PPP1R9A: variants seen among roughly 807,000 people sequenced by gnomAD.
PPP1R9A encodes neurabin-1.
PPP1R9A carries 59 observed loss-of-function variants against 141.9 expected under a neutral mutation model. That is an observed-to-expected ratio of 0.42 (90% CI 0.34 to 0.52). The LOEUF (loss-of-function observed/expected upper bound fraction) is 0.52, where lower values mean the gene tolerates loss of function less well. Among genes scored for constraint, PPP1R9A ranks in the 20% least tolerant of loss-of-function variants. The pLI is 0.10. For synonymous variants in PPP1R9A, 500 were observed against 569.7 expected (o/e 0.88, Z 1.74); for missense variants, 1,444 against 1,611.9 (o/e 0.90, Z 1.78).
chr7:95,196,971 GAA>G (rs1836380030), intron 5 of PPP1R9A, among the ~76,000 whole-genome samples: 1 of 151,876 alleles, frequency 6.6e-6, no homozygotes, highest in Admixed American at 6.6e-5. Flanking sequence ...ATTTCCAAAG[GAA>G]AATAACACAA....
chr7:94,968,362 C>T (rs893896826), intron 2 of PPP1R9A, among the ~76,000 whole-genome samples: 7 of 152,048 alleles, frequency 4.6e-5, no homozygotes, highest in African/African-American at 7.2e-5. Context: ...TTAGTAGAGA[C>T]GGGGTTTCAC....
At chr7:95,272,192 A>G (rs1023835010) in intron 14 of PPP1R9A, among the ~76,000 whole-genome samples, 2 of 152,194 alleles carry the variant, frequency 1.3e-5, no homozygotes, top group Non-Finnish European at 2.9e-5. Context: ...TCATTGTAAC[A>G]TCTCCCAGCT....
intron 2 of PPP1R9A, among the ~76,000 whole-genome samples, chr7:95,071,216 T>A (rs1307314582): frequency 6.6e-6 from 1 of 152,020 alleles, no homozygotes; most frequent in East Asian, 1.9e-4. Flanking sequence ...AGTGATTTTT[T>A]AAAAAATGTA....
intron 2 of PPP1R9A, among the ~76,000 whole-genome samples, chr7:94,955,293 CTT>C (rs961250012): frequency 3.3e-5 from 5 of 152,040 alleles, no homozygotes; most frequent in African/African-American, 9.7e-5. Context: ...GTAAGATAAA[CTT>C]AGTATAAAAT....
intron 2 of PPP1R9A, among the ~76,000 whole-genome samples, chr7:94,924,507 A>G (rs868187810): frequency 6.6e-6 from 1 of 152,078 alleles, no homozygotes; most frequent in Non-Finnish European, 1.5e-5. Context: ...TTTAGTTTTG[A>G]GATGGAGTCT....
chr7:95,207,463 G>A (rs568713476), intron 7 of PPP1R9A, among the ~76,000 whole-genome samples: 1 of 152,042 alleles, frequency 6.6e-6, no homozygotes, highest in East Asian at 1.9e-4. Context: ...AAAACTTATA[G>A]GTCCATCCCA....
At chr7:95,083,164 G>A (rs1341405689) in intron 2 of PPP1R9A, among the ~76,000 whole-genome samples, 1 of 151,894 alleles carries the variant, frequency 6.6e-6, no homozygotes, top group Non-Finnish European at 1.5e-5. Flanking sequence ...TGTGATATAG[G>A]AGCCTTCAGG....
chr7:95,134,499 T>C (rs147939026), intron 4 of PPP1R9A, among the ~76,000 whole-genome samples: 1 of 152,160 alleles, frequency 6.6e-6, no homozygotes, highest in Non-Finnish European at 1.5e-5. Context: ...TGCAATGGCG[T>C]GATCTCGGCT....
At chr7:95,025,046 G>C (rs759958519) in intron 2 of PPP1R9A, among the ~76,000 whole-genome samples, 2 of 152,010 alleles carry the variant, frequency 1.3e-5, no homozygotes, top group Non-Finnish European at 2.9e-5. Context: ...AGCTTAGTTT[G>C]GCTGGGTATG....
chr7:95,167,809 T>TAA (rs35694823), intron 5 of PPP1R9A, among the ~76,000 whole-genome samples: 3 of 147,944 alleles, frequency 2.0e-5, no homozygotes, highest in Admixed American at 6.7e-5. Flanking sequence ...TTACAATAGT[T>TAA]AAAAAAAAAA....
chr7:95,225,433 T>A (rs1007711727), intron 7 of PPP1R9A, among the ~76,000 whole-genome samples: 1 of 152,180 alleles, frequency 6.6e-6, no homozygotes, highest in Non-Finnish European at 1.5e-5. Context: ...TGGTTTATTC[T>A]TTAGCTCACT....
intron 2 of PPP1R9A, among the ~76,000 whole-genome samples, chr7:95,014,665 A>G (rs964815004): frequency 2.6e-5 from 4 of 152,020 alleles, no homozygotes; most frequent in African/African-American, 9.7e-5. Context: ...TAAATGCTCT[A>G]GTTTTAGCAC....
At chr7:95,121,082 A>T (rs760043513) in intron 4 of PPP1R9A, among the ~76,000 whole-genome samples, 1 of 152,150 alleles carries the variant, frequency 6.6e-6, no homozygotes, top group Non-Finnish European at 1.5e-5. Context: ...CCATTCATCT[A>T]TCTGGTGGGA....
intron 9 of PPP1R9A, among the ~76,000 whole-genome samples, chr7:95,248,804 A>G (rs1798490167): frequency 6.6e-6 from 1 of 152,202 alleles, no homozygotes; most frequent in African/African-American, 2.4e-5. Flanking sequence ...TTTTGATAAT[A>G]GAATTCCTAA....
At position 94,972,245 on chromosome 7, in the gene PPP1R9A, A is replaced by G. The variant is rs78954514; in HGVS notation, c.1395+60737A>G. Among the ~76,000 whole-genome samples, 212 of 152,284 alleles carry G rather than the reference A, an allele frequency of 1.4e-3. 1 individual carries two copies. Among genetic ancestry groups the G allele is most frequent in the African/African-American group, 5.0e-3 (207 of 41,582 alleles). ...TATGGTCTTGTTATTTTTATTAGGT[A>G]GTTTATCTAAGTTTTAGTTCTAGTT... On this transcript the variant is annotated intron_variant, in intron 2 of 19. Coordinates refer to ENST00000433360, the MANE Select transcript of PPP1R9A (RefSeq NM_001166160.2).
intron 1 of PPP1R9A, among the ~76,000 whole-genome samples, chr7:94,909,376 G>T (rs1204580739): frequency 6.6e-6 from 1 of 152,174 alleles, no homozygotes; most frequent in East Asian, 1.9e-4. Context: ...CTGTAGATGA[G>T]AACATTGGAC....
chr7:95,033,038 T>G (rs757515597), intron 2 of PPP1R9A, among the ~76,000 whole-genome samples: 1 of 152,036 alleles, frequency 6.6e-6, no homozygotes, highest in Non-Finnish European at 1.5e-5. Flanking sequence ...AGAGTCTTGC[T>G]CTGTCGCCTG....
intron 2 of PPP1R9A, among the ~76,000 whole-genome samples, chr7:95,092,583 G>T (rs916708717): frequency 2.6e-5 from 4 of 152,186 alleles, no homozygotes; most frequent in African/African-American, 9.7e-5. Context: ...ACTTCCAAAA[G>T]AACTGCTTTT....
At chr7:94,934,568 A>G (rs1794535986) in intron 2 of PPP1R9A, among the ~76,000 whole-genome samples, 1 of 152,052 alleles carries the variant, frequency 6.6e-6, no homozygotes, top group Non-Finnish European at 1.5e-5. Flanking sequence ...AAATATGTCA[A>G]AACAAATATA....
Sources: gnomAD v4.1 joint callset for allele counts (sites outside exome capture counted in the v4.1 genomes callset) on GRCh38, gnomAD v4.1.1 for gene constraint, MANE v1.5 for transcripts, NCBI Gene and HGNC (gene_info 2026-07-23, HGNC 2026-07-21) for gene names.